Variants in CLVS1 observed in about 807,000 individuals in gnomAD.
CLVS1 encodes the protein clavesin 1.
Under a neutral mutation model 33.1 loss-of-function variants are expected in CLVS1, and 10 were observed. The ratio of observed to expected loss-of-function variants is 0.30; its 90% CI spans 0.19 to 0.51. The LOEUF (loss-of-function observed/expected upper bound fraction) is 0.51, where lower values mean the gene tolerates loss of function less well. CLVS1 is among the 20% of genes least tolerant of loss of function. CLVS1 has a pLI of 0.97. For missense variants in CLVS1, 343 were observed against 433.4 expected, an observed-to-expected ratio of 0.79 and a Z score of 1.85; for synonymous variants, 163 against 166.1, an observed-to-expected ratio of 0.98 and a Z score of 0.14.
intron 1 of CLVS1, among the ~76,000 whole-genome samples, chr8:61,105,473 C>T (rs2129287266): frequency 6.6e-6 from 1 of 152,278 alleles, no homozygotes; most frequent in East Asian, 1.9e-4. Context: ...CTACTTAAAA[C>T]CCCGGTGAGG....
intron 2 of CLVS1, among the ~76,000 whole-genome samples, chr8:61,232,580 A>G (rs1808470780): frequency 6.6e-6 from 1 of 152,220 alleles, no homozygotes; most frequent in South Asian, 2.1e-4. Flanking sequence ...CTAAATAGAA[A>G]CTGATCAGAT....
intron 5 of CLVS1, 44 bp from the exon 6 acceptor site, chr8:61,499,411 A>G (rs768730624): frequency 2.8e-6 from 4 of 1,416,394 alleles, no homozygotes; most frequent in Admixed American, 1.7e-5. Flanking sequence ...AATTGTCACC[A>G]TGAATTGTTT....
intron 3 of CLVS1, among the ~76,000 whole-genome samples, chr8:61,381,119 G>C (rs559250435): frequency 6.6e-6 from 1 of 151,258 alleles, no homozygotes; most frequent in South Asian, 2.1e-4. Flanking sequence ...AACACTTGGT[G>C]CGTTCCTTAA....
intron 2 of CLVS1, among the ~76,000 whole-genome samples, chr8:61,259,698 C>T (rs1234344253): frequency 6.6e-6 from 1 of 152,232 alleles, no homozygotes; most frequent in Non-Finnish European, 1.5e-5. Context: ...TCAAAGCCAC[C>T]TTCTAGTTCA....
At chr8:61,419,415 A>C (rs890647520) in intron 3 of CLVS1, among the ~76,000 whole-genome samples, 1 of 151,786 alleles carries the variant, frequency 6.6e-6, no homozygotes, top group Non-Finnish European at 1.5e-5. Flanking sequence ...AAAAAAAAAA[A>C]ATATTTAAAA....
chr8:61,175,724 G>T (rs1394340653), intron 2 of CLVS1, among the ~76,000 whole-genome samples: 1 of 152,212 alleles, frequency 6.6e-6, no homozygotes, highest in African/African-American at 2.4e-5. Flanking sequence ...GAAGCTAGGA[G>T]AAGTGAGAAA....
chr8:61,242,456 G>A (rs1808715991), intron 2 of CLVS1, among the ~76,000 whole-genome samples: 1 of 151,644 alleles, frequency 6.6e-6, no homozygotes, highest in African/African-American at 2.4e-5. Flanking sequence ...TAAATTTTCA[G>A]GTATTCTCCT....
At position 61,499,802 on chromosome 8, in the gene CLVS1, T is replaced by A. The variant is rs557150417; in HGVS notation, c.*260T>A. On this transcript the variant is annotated 3_prime_UTR_variant, in exon 6 of 6. Transcript: ENST00000325897. Reference sequence around the variant, plus strand: ...GCATTTATGTAAAAAAGATTCTCCCTCCTTTCATATTTATTGTAGTAAATT... The same window carrying A: ...GCATTTATGTAAAAAAGATTCTCCCACCTTTCATATTTATTGTAGTAAATT... 6.6e-4 allele frequency: 181 copies of A among 274,958 alleles called. No individual in the cohort carries two copies. The highest frequency in any genetic ancestry group is 7.5e-4 in the Admixed American group (15 of 20,116). 17.0% of individuals were successfully genotyped at this position (274,958 alleles called of 1,614,324 possible).
At chr8:61,492,945 A>G (rs962224453) in intron 5 of CLVS1, among the ~76,000 whole-genome samples, 1 of 152,184 alleles carries the variant, frequency 6.6e-6, no homozygotes, top group African/African-American at 2.4e-5. Flanking sequence ...CATGTCCTAC[A>G]AATATTCCTT....
At chr8:61,116,646 G>C (rs1466195552) in intron 1 of CLVS1, among the ~76,000 whole-genome samples, 1 of 151,256 alleles carries the variant, frequency 6.6e-6, no homozygotes, top group Non-Finnish European at 1.5e-5. Flanking sequence ...CCCATTGCTT[G>C]TTTTTCTCAG....
chr8:61,283,137 C>T (rs556491983), upstream of CLVS1, among the ~76,000 whole-genome samples: 32 of 152,320 alleles, frequency 2.1e-4, no homozygotes, highest in African/African-American at 7.5e-4. Flanking sequence ...TATTCTCTCT[C>T]CAACTTCCAT....
At chr8:61,298,779 G>A (rs376297884) in intron 1 of CLVS1, among the ~76,000 whole-genome samples, 56 of 152,270 alleles carry the variant, frequency 3.7e-4, no homozygotes, top group African/African-American at 1.2e-3. Flanking sequence ...AACAGTATGG[G>A]TGTTCCTCTG....
chr8:61,383,628 A>G (rs1372970033), intron 3 of CLVS1, among the ~76,000 whole-genome samples: 2 of 152,222 alleles, frequency 1.3e-5, no homozygotes, highest in Non-Finnish European at 2.9e-5. Flanking sequence ...AGAGGAATAA[A>G]TATCTCCTCC....
At chr8:61,016,659 A>G in the CLVS1 span, among the ~76,000 whole-genome samples, 2 of 152,258 alleles carry the variant, frequency 1.3e-5, no homozygotes, top group Non-Finnish European at 2.9e-5. Flanking sequence ...AGAAAACTGC[A>G]TGTGCATACA....
rs117982901 is a variant in CLVS1, at chr8:61,493,770, A to T, written c.978-5685A>T. Among the ~76,000 whole-genome samples, 889 of 152,318 alleles carry T rather than the reference A, an allele frequency of 5.8e-3. 7 individuals carry two copies. Among genetic ancestry groups the T allele is most frequent in the Non-Finnish European group, 8.9e-3 (607 of 68,028 alleles). On this transcript the variant is annotated intron_variant, in intron 5 of 5. Transcript: ENST00000325897. ...TTCCATAAAACCAAGTTTGTTGTTG[A>T]CTTTAAGAAAGAAAGCTGGTACTGT...
chr8:61,188,401 CA>C (rs1227900518), intron 2 of CLVS1, among the ~76,000 whole-genome samples: 1 of 151,690 alleles, frequency 6.6e-6, no homozygotes, highest in Non-Finnish European at 1.5e-5. Flanking sequence ...GCCAGGCATA[CA>C]AAAAAATCAG....
chr8:61,248,986 A>G (rs1323859250), intron 2 of CLVS1, among the ~76,000 whole-genome samples: 1 of 152,124 alleles, frequency 6.6e-6, no homozygotes. Flanking sequence ...ACATAGAGAT[A>G]CACGTGCCAT....
At chr8:61,387,460 C>T (rs1814129471) in intron 3 of CLVS1, among the ~76,000 whole-genome samples, 2 of 121,688 alleles carry the variant, frequency 1.6e-5, no homozygotes, top group African/African-American at 5.5e-5. Flanking sequence ...TTCCACTGTA[C>T]AGTTCCTTTT....
intron 5 of CLVS1, among the ~76,000 whole-genome samples, chr8:61,481,411 C>T (rs1335718540): frequency 6.6e-6 from 1 of 152,106 alleles, no homozygotes; most frequent in Non-Finnish European, 1.5e-5. Flanking sequence ...TCACCTCACC[C>T]AGGAAGCGCA....
Sources: gnomAD v4.1 joint callset for allele counts (sites outside exome capture counted in the v4.1 genomes callset) on GRCh38, gnomAD v4.1.1 for gene constraint, MANE v1.5 for transcripts, NCBI Gene and HGNC (gene_info 2026-07-23, HGNC 2026-07-21) for gene names.